Variants in SHLD1 observed in about 807,000 individuals in gnomAD.
The protein encoded by SHLD1 is RINN1-REV7-interacting novel NHEJ regulator 3.
A neutral mutation model predicts 5.5 loss-of-function variants in SHLD1; 3 were observed. The ratio of observed to expected loss-of-function variants is 0.54; its 90% CI spans 0.25 to 1.40. The LOEUF (loss-of-function observed/expected upper bound fraction) is 1.40. SHLD1 is among the 40% of genes most tolerant of loss of function. The pLI, the probability that SHLD1 is intolerant of heterozygous loss-of-function variation, is 0.15. For synonymous variants in SHLD1, 92 were observed against 94.3 expected, an observed-to-expected ratio of 0.98 and a Z score of 0.14; for missense variants, 210 against 244.4, an observed-to-expected ratio of 0.86 and a Z score of 0.94.
At chr20:5,862,187 A>G (rs957393636) in intron 2 of SHLD1, among the ~76,000 whole-genome samples, 3 of 152,240 alleles carry the variant, frequency 2.0e-5, no homozygotes, top group African/African-American at 7.2e-5. Context: ...TTTTGCGGAC[A>G]CAATTCAGTC....
At position 5,806,863 on chromosome 20, in the gene SHLD1, C is replaced by T. The variant is rs571533174; in HGVS notation, c.178+33820C>T. ...TGCCAGCCCTCTGTCACCACCCTCT[C>T]CACTAGAATGCCATGTATTATGTAT... On this transcript the variant is annotated intron_variant, in intron 2 of 2. Transcript: ENST00000303142. The surrounding 1 kb of genome is among the most constrained non-coding windows in gnomAD (Gnocchi z 7.6). Among the ~76,000 whole-genome samples, 25 of 152,354 alleles carry T rather than the reference C, an allele frequency of 1.6e-4. No individual in the cohort carries two copies. Among genetic ancestry groups the T allele is most frequent in the Admixed American group, 6.5e-4 (10 of 15,306 alleles).
chr20:5,793,215 C>CT (rs1023356401), intron 2 of SHLD1, among the ~76,000 whole-genome samples: 3 of 151,658 alleles, frequency 2.0e-5, no homozygotes, highest in African/African-American at 2.4e-5. Flanking sequence ...GGTCCTCCAA[C>CT]TTTTTTTTTC....
At chr20:5,792,153 T>C (rs1466136954) in intron 2 of SHLD1, among the ~76,000 whole-genome samples, 6 of 152,352 alleles carry the variant, frequency 3.9e-5, no homozygotes, top group African/African-American at 1.2e-4. Flanking sequence ...TTTTTATAGA[T>C]GGCCTTTTCA....
At chr20:5,789,907 A>G (rs1008493) in intron 2 of SHLD1, among the ~76,000 whole-genome samples, 140,293 of 152,156 alleles carry the variant, frequency 0.92, 64,790 homozygotes, top group East Asian at 1. Flanking sequence ...GGACTGACAG[A>G]TTATCTATCC....
At chr20:5,858,160 A>G (rs1011403940) in intron 2 of SHLD1, among the ~76,000 whole-genome samples, 22 of 152,158 alleles carry the variant, frequency 1.4e-4, no homozygotes, top group African/African-American at 5.3e-4. Flanking sequence ...GAAACCATAC[A>G]TAGGTCCTCT....
intron 1 of SHLD1, among the ~76,000 whole-genome samples, chr20:5,765,412 AT>A (rs560235633): frequency 6.6e-6 from 1 of 151,224 alleles, no homozygotes; most frequent in Non-Finnish European, 1.5e-5. Context: ...CACCCGGCTA[AT>A]TTTTTTTGTA....
intron 1 of SHLD1, among the ~76,000 whole-genome samples, chr20:5,752,791 TTTTG>T (rs765956543): frequency 2.1e-4 from 32 of 151,762 alleles, no homozygotes; most frequent in Non-Finnish European, 3.7e-4. Flanking sequence ...AATTTTTGTA[TTTTG>T]TTTGTTTGTT....
At chr20:5,757,575 C>T (rs4815851) in intron 1 of SHLD1, among the ~76,000 whole-genome samples, 49,645 of 151,926 alleles carry the variant, frequency 0.33, 8,887 homozygotes, top group Non-Finnish European at 0.4. Flanking sequence ...GTCCTTTATT[C>T]TACTAATGTA....
At chr20:5,819,407 A>G (rs8183987) in intron 2 of SHLD1, among the ~76,000 whole-genome samples, 53,294 of 152,154 alleles carry the variant, frequency 0.35, 11,126 homozygotes, top group East Asian at 0.53. Flanking sequence ...ATTAACTGTA[A>G]TGTTTGCCTT....
chr20:5,777,155 A>G (rs1418383674), intron 2 of SHLD1, among the ~76,000 whole-genome samples: 2 of 151,972 alleles, frequency 1.3e-5, no homozygotes, highest in Non-Finnish European at 1.5e-5. Flanking sequence ...TGCCCAGCTA[A>G]TATTTATATT....
chr20:5,847,090 G>T (rs978392478), intron 2 of SHLD1, among the ~76,000 whole-genome samples: 15 of 149,418 alleles, frequency 1.0e-4, no homozygotes, highest in Non-Finnish European at 1.6e-4. Flanking sequence ...TCATATTAGG[G>T]TTTTTTTTTT....
At position 5,828,051 on chromosome 20, in the gene SHLD1, G is replaced by A. The variant is rs183951512; in HGVS notation, c.179-34973G>A. Among the ~76,000 whole-genome samples, 54 of 152,332 alleles carry A rather than the reference G, an allele frequency of 3.5e-4. 1 individual carries two copies. The East Asian group carries it at 5.4e-3, about 15-fold the overall frequency. ...ATTTACTTGGTTAAAGGTGGTGTTA[G>A]TTATAAAGAGTAGAGTCAGCATATT... On this transcript the variant is annotated intron_variant, in intron 2 of 2. Coordinates refer to ENST00000303142, the MANE Select transcript of SHLD1 (RefSeq NM_152504.4).
At chr20:5,802,944 C>A (rs2087316681) in intron 2 of SHLD1, among the ~76,000 whole-genome samples, 1 of 152,188 alleles carries the variant, frequency 6.6e-6, no homozygotes, top group Non-Finnish European at 1.5e-5. Context: ...GGGCCAGGAC[C>A]AAGACAAAGT....
At chr20:5,778,065 T>C (rs555917526) in intron 2 of SHLD1, among the ~76,000 whole-genome samples, 1 of 151,548 alleles carries the variant, frequency 6.6e-6, no homozygotes, top group Non-Finnish European at 1.5e-5. Context: ...ATGCCTGTTA[T>C]CTGGCATATC....
At chr20:5,852,693 G>A (rs1049834559) in intron 2 of SHLD1, among the ~76,000 whole-genome samples, 1 of 152,006 alleles carries the variant, frequency 6.6e-6, no homozygotes, top group Non-Finnish European at 1.5e-5. Context: ...CAAGTGATCC[G>A]CCTGCCTCAG....
At chr20:5,771,732 G>A (rs971979781) in intron 1 of SHLD1, among the ~76,000 whole-genome samples, 31 of 151,482 alleles carry the variant, frequency 2.0e-4, no homozygotes, top group Non-Finnish European at 4.4e-5. Context: ...TTTGAGGTGT[G>A]TCAGCAAGAC....
chr20:5,852,792 T>C (rs1221113682), intron 2 of SHLD1, among the ~76,000 whole-genome samples: 1 of 152,186 alleles, frequency 6.6e-6, no homozygotes, highest in African/African-American at 2.4e-5. Context: ...CTTACTTTTA[T>C]TGCTATTATA....
chr20:5,825,636 A>G (rs906954198), intron 2 of SHLD1, among the ~76,000 whole-genome samples: 2 of 152,178 alleles, frequency 1.3e-5, no homozygotes, highest in African/African-American at 4.8e-5. Flanking sequence ...GTGCTTTGGG[A>G]GGCCAAGGTG....
At chr20:5,773,294 C>T in intron 2 of SHLD1, 1 of 621,816 alleles carries the variant, frequency 1.6e-6, no homozygotes, top group South Asian at 2.0e-5. Context: ...AGGTCTCTTT[C>T]TAATCTCCCT....
Sources: allele counts gnomAD v4.1 joint callset (sites outside exome capture counted in the v4.1 genomes callset), GRCh38; gene constraint gnomAD v4.1.1; non-coding constraint Gnocchi (gnomAD v3.1); transcripts MANE v1.5; gene names NCBI Gene and HGNC (gene_info 2026-07-23, HGNC 2026-07-21).